STOX1: variants seen among roughly 807,000 people sequenced by gnomAD.
STOX1 encodes storkhead box 1, also known as storkhead-box protein 1.
In STOX1, 57 loss-of-function variants were observed where a neutral mutation model predicts 74.8. That is an observed-to-expected ratio of 0.76 (90% CI 0.62 to 0.95). The LOEUF (loss-of-function observed/expected upper bound fraction) is 0.95. STOX1 is among the 40% of genes least tolerant of loss of function. The pLI, the probability that STOX1 is intolerant of heterozygous loss-of-function variation, is 0.00. For synonymous variants in STOX1, 375 were observed against 401.3 expected, an observed-to-expected ratio of 0.93 and a Z score of 0.78; for missense variants, 1,010 against 1,117.0, an observed-to-expected ratio of 0.90 and a Z score of 1.37.
At chr10:68,844,143 G>C (rs1839770057) in intron 1 of STOX1, among the ~76,000 whole-genome samples, 1 of 151,378 alleles carries the variant, frequency 6.6e-6, no homozygotes, top group Non-Finnish European at 1.5e-5. Context: ...TCGCGCCACT[G>C]CACTCCAGCC....
chr10:68,845,791 G>A (rs1298323231), intron 1 of STOX1, among the ~76,000 whole-genome samples: 5 of 150,636 alleles, frequency 3.3e-5, no homozygotes, highest in African/African-American at 7.3e-5. Flanking sequence ...TAGTAGAGAC[G>A]GGGCTTCACC....
chr10:68,828,925 G>T, intron 1 of STOX1: 1 of 982,260 alleles, frequency 1.0e-6, no homozygotes, highest in Non-Finnish European at 1.2e-6. Context: ...TCATAAAATA[G>T]CTTCTCATTT....
intron 1 of STOX1, chr10:68,829,009 C>T (rs1480368051): frequency 4.1e-6 from 4 of 985,330 alleles, no homozygotes; most frequent in Non-Finnish European, 4.8e-6. Flanking sequence ...TGTCAGCTCC[C>T]TGTAACAACC....
At chr10:68,864,202 G>T (rs1023460163) in intron 1 of STOX1, among the ~76,000 whole-genome samples, 7 of 152,078 alleles carry the variant, frequency 4.6e-5, no homozygotes, top group African/African-American at 1.7e-4. Flanking sequence ...GGGATTACAG[G>T]CGTGAGCCAC....
At chr10:68,839,362 A>G (rs1839637879) in intron 1 of STOX1, among the ~76,000 whole-genome samples, 1 of 151,970 alleles carries the variant, frequency 6.6e-6, no homozygotes, top group Non-Finnish European at 1.5e-5. Flanking sequence ...AGCTGGGACC[A>G]GAAGTGCGTG....
At chr10:68,828,250 C>T in intron 1 of STOX1, 2 of 1,125,038 alleles carry the variant, frequency 1.8e-6, no homozygotes, top group Middle Eastern at 3.6e-4. Context: ...CGCCGCGCGG[C>T]TTCCGCATCA....
rs546532020 is a variant in STOX1 at position 68,854,767 on chromosome 10, G to C, written c.310+26834G>C. ...ATTAATGCCTACCTTTCATATGCATGACCCCAGAGGGCACACATGGCACCC... is the reference window on the plus strand; with the variant it reads ...ATTAATGCCTACCTTTCATATGCATCACCCCAGAGGGCACACATGGCACCC... On this transcript the variant is annotated intron_variant, in intron 1 of 3. Transcript: ENST00000298596. 2.6e-5 allele frequency among the ~76,000 whole-genome samples: 4 copies of C among 152,150 alleles called. No individual in the cohort carries two copies. In the South Asian group the frequency reaches 8.3e-4, roughly 31 times the overall value.
At chr10:68,847,377 G>A (rs1014985104) in intron 1 of STOX1, among the ~76,000 whole-genome samples, 2 of 152,056 alleles carry the variant, frequency 1.3e-5, no homozygotes, top group African/African-American at 2.4e-5. Flanking sequence ...GTTGGGTCAC[G>A]GGTGGATTTG....
chr10:68,841,479 T>C (rs916582211), intron 1 of STOX1, among the ~76,000 whole-genome samples: 2 of 152,208 alleles, frequency 1.3e-5, no homozygotes, highest in Non-Finnish European at 2.9e-5. Context: ...GATAGACATA[T>C]CTGCCTCCAT....
chr10:68,840,205 A>T (rs1213129328), intron 1 of STOX1, among the ~76,000 whole-genome samples: 1 of 152,144 alleles, frequency 6.6e-6, no homozygotes, highest in Non-Finnish European at 1.5e-5. Flanking sequence ...TAAATCTAAG[A>T]CCGGACACTA....
At chr10:68,856,185 G>A (rs1840122158) in intron 1 of STOX1, among the ~76,000 whole-genome samples, 1 of 151,700 alleles carries the variant, frequency 6.6e-6, no homozygotes, top group South Asian at 2.1e-4. Context: ...GCTGGGATTA[G>A]AGGTGTGAGC....
chr10:68,863,448 G>T (rs1181450958), intron 1 of STOX1, among the ~76,000 whole-genome samples: 2 of 152,072 alleles, frequency 1.3e-5, no homozygotes, highest in East Asian at 3.8e-4. Context: ...AACAGATGAG[G>T]AATGCACCAT....
chr10:68,871,447 G>A (rs562037340), intron 1 of STOX1, among the ~76,000 whole-genome samples: 24 of 152,236 alleles, frequency 1.6e-4, no homozygotes, highest in Non-Finnish European at 2.9e-4. Context: ...AAGTAAAGAA[G>A]ACATTACTAA....
rs1839287450 is a variant in STOX1 at position 68,827,549 on chromosome 10, C to G, written c.-75C>G. On this transcript the variant is annotated 5_prime_UTR_variant, in exon 1 of 4. Transcript: ENST00000298596. ...CCCGCGCGCAGTCGGCCGATCCTCC[C>G]GCCGAGCGAGCGGCGTCGTAGCCGC... The G allele has an allele frequency of 4.0e-6, 4 of 997,166 alleles. No homozygotes were observed. Among genetic ancestry groups the G allele is most frequent in the Non-Finnish European group, 4.9e-6 (4 of 813,952 alleles). 61.8% of individuals were successfully genotyped at this position (997,166 alleles called of 1,614,324 possible). A position where few individuals can be genotyped will look rare whatever the true frequency, so the allele number is the denominator to read the frequency against.
At chr10:68,829,525 A>C (rs1238722080) in intron 1 of STOX1, among the ~76,000 whole-genome samples, 1 of 152,186 alleles carries the variant, frequency 6.6e-6, no homozygotes, top group Non-Finnish European at 1.5e-5. Flanking sequence ...CTCAAAAGGA[A>C]AAAGAAGAAG....
At chr10:68,846,974 A>G (rs1197432426) in intron 1 of STOX1, 1 of 152,234 alleles carries the variant, frequency 6.6e-6, no homozygotes, top group Non-Finnish European at 1.5e-5. Flanking sequence ...AACAATCAAT[A>G]TTGGGTCTCC....
At chr10:68,841,213 G>A (rs1839686727) in intron 1 of STOX1, among the ~76,000 whole-genome samples, 1 of 152,096 alleles carries the variant, frequency 6.6e-6, no homozygotes, top group East Asian at 1.9e-4. Flanking sequence ...CCAAAGTGCT[G>A]GGCTTACAGG....
At chr10:68,853,877 G>A (rs1840053062) in intron 1 of STOX1, among the ~76,000 whole-genome samples, 1 of 151,678 alleles carries the variant, frequency 6.6e-6, no homozygotes, top group African/African-American at 2.4e-5. Flanking sequence ...TAGAGCCAGG[G>A]TTTTTCCATG....
intron 1 of STOX1, among the ~76,000 whole-genome samples, chr10:68,835,440 A>C (rs1839523338): frequency 1.3e-5 from 2 of 152,104 alleles, no homozygotes; most frequent in Non-Finnish European, 2.9e-5. Flanking sequence ...CTCCCTTGTC[A>C]GTCTCCTGAG....
Sources: gnomAD v4.1 joint callset for allele counts (sites outside exome capture counted in the v4.1 genomes callset) on GRCh38, gnomAD v4.1.1 for gene constraint, MANE v1.5 for transcripts, NCBI Gene and HGNC (gene_info 2026-07-23, HGNC 2026-07-21) for gene names.